SEZ6L: variants seen among roughly 807,000 people sequenced by gnomAD.
SEZ6L encodes the protein seizure related 6 homolog like, also known as seizure 6-like protein.
SEZ6L carries 37 observed loss-of-function variants against 106.2 expected under a neutral mutation model. The observed-to-expected ratio is 0.35, with a 90% CI of 0.27 to 0.46. The LOEUF (loss-of-function observed/expected upper bound fraction) is 0.46. Ranked by LOEUF, SEZ6L falls within the 20% of genes least tolerant of loss-of-function variation. The probability of loss-of-function intolerance (pLI) is 1.00; values close to 1 mark genes in which losing one functional copy is unlikely to be tolerated. For missense variants in SEZ6L, 1,172 were observed against 1,332.8 expected (o/e 0.88, Z 1.88); for synonymous variants, 541 against 570.4 (o/e 0.95, Z 0.73).
At chr22:26,209,460 A>G (rs1941484330) in intron 1 of SEZ6L, among the ~76,000 whole-genome samples, 1 of 133,094 alleles carries the variant, frequency 7.5e-6, no homozygotes, top group Non-Finnish European at 1.6e-5. Flanking sequence ...GAAGGAAGGA[A>G]GGATATATGG....
At chr22:26,367,033 A>G (rs1193481099) in intron 13 of SEZ6L, among the ~76,000 whole-genome samples, 2 of 152,172 alleles carry the variant, frequency 1.3e-5, no homozygotes, top group Admixed American at 6.5e-5. Flanking sequence ...GTACTAAAAT[A>G]TATATACATT....
At chr22:26,295,626 AC>A (rs888342177) in intron 3 of SEZ6L, among the ~76,000 whole-genome samples, 2 of 151,684 alleles carry the variant, frequency 1.3e-5, no homozygotes, top group African/African-American at 2.4e-5. Context: ...GTGCTTAAGA[AC>A]CCTTTCCTCC....
At position 26,347,765 on chromosome 22, in the gene SEZ6L, T is replaced by C; in HGVS notation, c.2259T>C (p.Asn753=). Residue 753 remains asparagine (N), a synonymous_variant, in exon 11 of 17, where the codon AAT becomes AAC. Coordinates refer to ENST00000248933, the MANE Select transcript of SEZ6L (RefSeq NM_021115.5). The part of the protein sequence containing the change: ...DSCSDLPEIQ[N]GWKTTSHTEL... ...GCTCGGATTTACCCGAGATCCAGAA[T>C]GGCTGGAAAACCACTTCTCACACGG... The C allele has an allele frequency of 6.2e-7, 1 of 1,609,666 alleles. No homozygotes were observed. Among genetic ancestry groups the C allele is most frequent in the South Asian group, 1.1e-5 (1 of 90,278 alleles).
At chr22:26,268,458 C>T (rs113978573) in intron 1 of SEZ6L, among the ~76,000 whole-genome samples, 1 of 152,156 alleles carries the variant, frequency 6.6e-6, no homozygotes, top group African/African-American at 2.4e-5. Flanking sequence ...AACTGGTCTC[C>T]CAGTTTGAGT....
At chr22:26,209,975 G>GAGGGAGGAAGGAAGGAAGGA (rs2078107398) in intron 1 of SEZ6L, among the ~76,000 whole-genome samples, 2 of 142,586 alleles carry the variant, frequency 1.4e-5, no homozygotes, top group African/African-American at 5.7e-5. Context: ...GAGAGGGAGG[G>GAGGGAGGAAGGAAGGAAGGA]AGGAAGGAAG....
intron 1 of SEZ6L, among the ~76,000 whole-genome samples, chr22:26,196,340 A>G (rs1189525695): frequency 6.6e-6 from 1 of 152,230 alleles, no homozygotes; most frequent in Non-Finnish European, 1.5e-5. Context: ...CCATGAGCCA[A>G]TTAAGCCTCT....
intron 1 of SEZ6L, among the ~76,000 whole-genome samples, chr22:26,171,013 CCTGGCT>C (rs1938563890): frequency 6.6e-6 from 1 of 152,200 alleles, no homozygotes; most frequent in Non-Finnish European, 1.5e-5. Flanking sequence ...CTCCATGGGC[CCTGGCT>C]CTGGGTCCCT....
chr22:26,214,887 A>G (rs1308976602), intron 1 of SEZ6L, among the ~76,000 whole-genome samples: 3 of 152,222 alleles, frequency 2.0e-5, no homozygotes, highest in Non-Finnish European at 4.4e-5. Context: ...ATGAATAGAA[A>G]CATATAAATG....
chr22:26,173,645 G>A (rs1938775837), intron 1 of SEZ6L, among the ~76,000 whole-genome samples: 1 of 152,150 alleles, frequency 6.6e-6, no homozygotes, highest in Admixed American at 6.5e-5. Flanking sequence ...AGTTCAACCT[G>A]CTATAACAAA....
intron 1 of SEZ6L, among the ~76,000 whole-genome samples, chr22:26,254,521 G>A (rs1038431665): frequency 2.0e-5 from 3 of 152,134 alleles, no homozygotes; most frequent in Non-Finnish European, 4.4e-5. Flanking sequence ...GGGAGGCCAC[G>A]GCGGGAGGAT....
intron 1 of SEZ6L, among the ~76,000 whole-genome samples, chr22:26,251,378 A>C (rs1319449462): frequency 6.6e-6 from 1 of 150,432 alleles, no homozygotes; most frequent in Admixed American, 6.6e-5. Flanking sequence ...GTTGAATTTC[A>C]TTAAATGCTT....
Position 26,347,710 on chromosome 22 carries a change from C to G in SEZ6L, c.2213-9C>G, listed in dbSNP as rs769623634. ...TCCCCCATCTAAGACTGACGTTTCT[C>G]TTTTAAAGAGGTATCAAGGAATGAC... On this transcript the variant is annotated splice_polypyrimidine_tract_variant and intron_variant, in intron 10 of 16. Transcript: ENST00000248933. The G allele has an allele frequency of 1.3e-6, 2 of 1,594,838 alleles. No individual in the cohort carries two copies. Among genetic ancestry groups the G allele is most frequent in the Non-Finnish European group, 1.7e-6 (2 of 1,173,694 alleles).
intron 6 of SEZ6L, 152 bp downstream of exon 6, chr22:26,306,296 T>A (rs914564455): frequency 1.2e-6 from 1 of 817,574 alleles, no homozygotes; most frequent in Non-Finnish European, 1.9e-6. Context: ...TTAGACACCA[T>A]CAGCTTCAAT....
In SEZ6L at chr22:26,381,319, G is replaced by C. The variant is rs780047027; in HGVS notation, c.*1024G>C. On this transcript the variant is annotated 3_prime_UTR_variant, in exon 17 of 17. Transcript: ENST00000248933. Reference sequence around the variant, plus strand: ...ATATCTCAGCCCTCAAAATAGAGGAGACTCAAGTGCACTGATTCTCTAAAA... The same window carrying C: ...ATATCTCAGCCCTCAAAATAGAGGACACTCAAGTGCACTGATTCTCTAAAA... 16 of 152,224 alleles carry C rather than the reference G, an allele frequency of 1.1e-4. No individual in the cohort carries two copies. The highest frequency in any genetic ancestry group is 3.9e-4 in the African/African-American group (16 of 41,456). 9.4% of individuals were successfully genotyped at this position (152,224 alleles called of 1,614,324 possible).
At chr22:26,352,468 G>T (rs1255277831) in intron 12 of SEZ6L, among the ~76,000 whole-genome samples, 1 of 152,186 alleles carries the variant, frequency 6.6e-6, no homozygotes, top group African/African-American at 2.4e-5. Flanking sequence ...CCTGTGAGTT[G>T]ATTATAAATT....
chr22:26,205,767 CTTCAAGAATCAAT>C (rs1941241411), intron 1 of SEZ6L, among the ~76,000 whole-genome samples: 1 of 152,130 alleles, frequency 6.6e-6, no homozygotes, highest in Non-Finnish European at 1.5e-5. Flanking sequence ...CCGAGAGTCT[CTTCAAGAATCAAT>C]TTAGCAGAAT....
At chr22:26,197,267 C>G (rs1940644109) in intron 1 of SEZ6L, among the ~76,000 whole-genome samples, 1 of 152,092 alleles carries the variant, frequency 6.6e-6, no homozygotes, top group Non-Finnish European at 1.5e-5. Context: ...AGCAACTAAG[C>G]CTGGTTCTGG....
chr22:26,272,245 T>A (rs564270462), intron 1 of SEZ6L, among the ~76,000 whole-genome samples: 18 of 152,234 alleles, frequency 1.2e-4, no homozygotes, highest in South Asian at 4.1e-4. Flanking sequence ...TAGGTCCTAT[T>A]TGAGGAATTT....
rs1352183758 is a variant in SEZ6L, at chr22:26,383,544, TAA to T, written c.*3250_*3251del. On this transcript the variant is annotated 3_prime_UTR_variant, in exon 17 of 17. Transcript: ENST00000248933. Reference sequence around the variant, plus strand: ...ACTTTCTAAGCTAGAATAATGAAATTAAGTCATTTTCCACTTTGTATATATTG... The same window carrying T: ...ACTTTCTAAGCTAGAATAATGAAATTGTCATTTTCCACTTTGTATATATTG... 5.3e-5 allele frequency: 8 copies of T among 152,192 alleles called. No individual in the cohort carries two copies. The highest frequency in any genetic ancestry group is 5.2e-4 in the Admixed American group (8 of 15,280). 9.4% of individuals were successfully genotyped at this position (152,192 alleles called of 1,614,324 possible).
Sources: allele counts gnomAD v4.1 joint callset (sites outside exome capture counted in the v4.1 genomes callset), GRCh38; gene constraint gnomAD v4.1.1; transcripts MANE v1.5; gene names NCBI Gene and HGNC (gene_info 2026-07-23, HGNC 2026-07-21).